SUCLG2: variants seen among roughly 807,000 people sequenced by gnomAD.
SUCLG2 encodes the protein succinate--CoA ligase [GDP-forming] subunit beta, mitochondrial.
SUCLG2 carries 42 observed loss-of-function variants against 47.9 expected under a neutral mutation model. The observed-to-expected ratio is 0.88, with a 90% CI of 0.69 to 1.14. The LOEUF is 1.14. Among genes scored for constraint, SUCLG2 ranks in the 50% most tolerant of loss-of-function variants. The pLI, the probability that SUCLG2 is intolerant of heterozygous loss-of-function variation, is 0.00. For missense variants in SUCLG2, 571 were observed against 525.9 expected, an observed-to-expected ratio of 1.09 and a Z score of -0.84; for synonymous variants, 195 against 197.3, an observed-to-expected ratio of 0.99 and a Z score of 0.10.
chr3:67,430,139 G>C (rs537604509), intron 9 of SUCLG2, among the ~76,000 whole-genome samples: 2 of 152,272 alleles, frequency 1.3e-5, no homozygotes, highest in African/African-American at 4.8e-5. Flanking sequence ...CAAATCAACA[G>C]AATATACATT....
chr3:67,422,994 G>T (rs1424703369), intron 9 of SUCLG2, among the ~76,000 whole-genome samples: 2 of 152,122 alleles, frequency 1.3e-5, no homozygotes, highest in African/African-American at 4.8e-5. Context: ...AAGAAGGTAG[G>T]TTTTTTTGGA....
intron 1 of SUCLG2, among the ~76,000 whole-genome samples, chr3:67,627,968 A>T (rs970936925): frequency 2.0e-5 from 3 of 152,102 alleles, no homozygotes; most frequent in African/African-American, 7.2e-5. Flanking sequence ...TGCAAGTTAT[A>T]ATCTCTGTTT....
At chr3:67,635,306 C>G (rs1342970766) in intron 1 of SUCLG2, among the ~76,000 whole-genome samples, 1 of 152,192 alleles carries the variant, frequency 6.6e-6, no homozygotes, top group Admixed American at 6.5e-5. Context: ...AGACCTCTTG[C>G]CTGCCTTTCA....
At chr3:67,628,159 T>G (rs774253227) in intron 1 of SUCLG2, among the ~76,000 whole-genome samples, 2 of 152,238 alleles carry the variant, frequency 1.3e-5, no homozygotes, top group Non-Finnish European at 2.9e-5. Context: ...AGAAATTTAG[T>G]AAATACTTCC....
At chr3:67,493,753 C>G (rs1298990250) in intron 9 of SUCLG2, among the ~76,000 whole-genome samples, 1 of 152,090 alleles carries the variant, frequency 6.6e-6, no homozygotes, top group African/African-American at 2.4e-5. Flanking sequence ...TCGGTATTTA[C>G]AGATTTCAAT....
intron 9 of SUCLG2, among the ~76,000 whole-genome samples, chr3:67,401,377 A>T (rs1327639386): frequency 1.3e-5 from 2 of 152,146 alleles, no homozygotes; most frequent in Non-Finnish European, 2.9e-5. Flanking sequence ...CAAAAATCAG[A>T]GATAGTTTAA....
At chr3:67,630,206 C>T (rs1700902720) in intron 1 of SUCLG2, among the ~76,000 whole-genome samples, 1 of 151,808 alleles carries the variant, frequency 6.6e-6, no homozygotes, top group African/African-American at 2.4e-5. Flanking sequence ...TTACATATTT[C>T]AAAATAAATG....
intron 10 of SUCLG2, among the ~76,000 whole-genome samples, chr3:67,393,989 C>G (rs1438290742): frequency 6.6e-6 from 1 of 152,092 alleles, no homozygotes; most frequent in African/African-American, 2.4e-5. Flanking sequence ...AACTAACAAA[C>G]AGAAAGGACA....
intron 9 of SUCLG2, among the ~76,000 whole-genome samples, chr3:67,469,579 A>G (rs1369424251): frequency 1.3e-5 from 2 of 149,394 alleles, no homozygotes; most frequent in East Asian, 2.0e-4. Flanking sequence ...AAATACAAAA[A>G]TTAGCTGGGT....
At chr3:67,610,588 T>C (rs11706848) in intron 1 of SUCLG2, among the ~76,000 whole-genome samples, 74,034 of 151,366 alleles carry the variant, frequency 0.49, 18,981 homozygotes, top group African/African-American at 0.64. Context: ...AAAGGAAACA[T>C]TACTCACAAG....
At chr3:67,550,504 G>GCC (rs752742208) in intron 2 of SUCLG2, among the ~76,000 whole-genome samples, 20 of 151,896 alleles carry the variant, frequency 1.3e-4, no homozygotes, top group Non-Finnish European at 2.2e-4. Context: ...ACACCACCAT[G>GCC]CCTGGAAATT....
At chr3:67,559,920 T>C (rs1470876508) in intron 2 of SUCLG2, among the ~76,000 whole-genome samples, 1 of 149,634 alleles carries the variant, frequency 6.7e-6, no homozygotes, top group Non-Finnish European at 1.5e-5. Context: ...TCGTAATGAA[T>C]GTACCATGCT....
chr3:67,606,442 C>G (rs1261848340), intron 2 of SUCLG2, among the ~76,000 whole-genome samples: 1 of 152,178 alleles, frequency 6.6e-6, no homozygotes, highest in Non-Finnish European at 1.5e-5. Context: ...AATGCTAGTG[C>G]TTCACTGTAT....
chr3:67,633,193 G>T (rs1575831958), intron 1 of SUCLG2, among the ~76,000 whole-genome samples: 1 of 152,128 alleles, frequency 6.6e-6, no homozygotes, highest in Non-Finnish European at 1.5e-5. Flanking sequence ...TGTTTTTAAG[G>T]TTATTCAAAA....
intron 1 of SUCLG2, among the ~76,000 whole-genome samples, chr3:67,629,762 A>G (rs7652308): frequency 6.6e-6 from 1 of 152,174 alleles, no homozygotes; most frequent in South Asian, 2.1e-4. Flanking sequence ...TCATTAGCAT[A>G]AAAACCCAGG....
intron 9 of SUCLG2, among the ~76,000 whole-genome samples, chr3:67,421,082 G>A (rs1301735374): frequency 1.3e-5 from 2 of 152,156 alleles, no homozygotes; most frequent in African/African-American, 2.4e-5. Context: ...TGACACTGGA[G>A]ATCACAGAGG....
At chr3:67,633,082 C>A (rs543278862) in intron 1 of SUCLG2, among the ~76,000 whole-genome samples, 22 of 152,316 alleles carry the variant, frequency 1.4e-4, no homozygotes, top group African/African-American at 5.3e-4. Flanking sequence ...TCGCTAGAAT[C>A]CACAAGTGTA....
chr3:67,451,002 C>T (rs1575705132), intron 9 of SUCLG2, among the ~76,000 whole-genome samples: 1 of 152,192 alleles, frequency 6.6e-6, no homozygotes, highest in South Asian at 2.1e-4. Flanking sequence ...AGGAATTTCA[C>T]TTGCTTATCT....
intron 2 of SUCLG2, among the ~76,000 whole-genome samples, chr3:67,532,543 C>T (rs866018928): frequency 3.4e-4 from 51 of 152,160 alleles, no homozygotes; most frequent in Admixed American, 3.3e-3. Flanking sequence ...TATTTTTATA[C>T]GCAGTAGCCT....
Sources: allele counts gnomAD v4.1 joint callset (sites outside exome capture counted in the v4.1 genomes callset), GRCh38; gene constraint gnomAD v4.1.1; transcripts MANE v1.5; gene names NCBI Gene and HGNC (gene_info 2026-07-23, HGNC 2026-07-21).